Variants in PRKCB observed in about 807,000 individuals in gnomAD.
PRKCB encodes protein kinase C beta type.
PRKCB carries 13 observed loss-of-function variants against 81.5 expected under a neutral mutation model. The observed-to-expected ratio is 0.16, with a 90% CI of 0.10 to 0.25. The LOEUF (loss-of-function observed/expected upper bound fraction) is 0.25, where lower values mean the gene tolerates loss of function less well. Ranked by LOEUF, PRKCB falls within the 10% of genes least tolerant of loss-of-function variation. The pLI, the probability that PRKCB is intolerant of heterozygous loss-of-function variation, is 1.00. For missense variants in PRKCB, 509 were observed against 875.7 expected (o/e 0.58, Z 5.29); for synonymous variants, 335 against 321.4 (o/e 1.04, Z -0.45).
chr16:23,855,025 A>G (rs560857742), intron 2 of PRKCB, among the ~76,000 whole-genome samples: 2 of 152,270 alleles, frequency 1.3e-5, no homozygotes, highest in African/African-American at 4.8e-5. Flanking sequence ...TACCACCATG[A>G]CTACTGAATA....
rs1004349848 is a variant in PRKCB at position 23,992,875 on chromosome 16, T to C, written c.288+4285T>C. On this transcript the variant is annotated intron_variant, in intron 3 of 16. Transcript: ENST00000643927. Reference sequence around the variant, plus strand: ...GAAGACCCTAATGAAGCTGGGGACATTGAGCCCCTAAATTCTGACAAGTCT... The same window carrying C: ...GAAGACCCTAATGAAGCTGGGGACACTGAGCCCCTAAATTCTGACAAGTCT... Among the ~76,000 whole-genome samples, 57 of 152,164 alleles carry C rather than the reference T, an allele frequency of 3.7e-4. 3 individuals carry two copies. Among genetic ancestry groups the C allele is most frequent in the Non-Finnish European group, 7.4e-5 (5 of 68,002 alleles).
chr16:24,070,146 G>GT lies in PRKCB; in HGVS notation c.530-22645_530-22644insT, dbSNP rs376637927. ...CTTTTCATCTTGCAGGAAACCAGGG[G>GT]ATTTTTTTTTTTTTTTTTTTGAGAC... On this transcript the variant is annotated intron_variant, in intron 5 of 16. Coordinates refer to ENST00000643927, the MANE Select transcript of PRKCB (RefSeq NM_002738.7). 3.4e-3 allele frequency among the ~76,000 whole-genome samples: 496 copies of GT among 144,514 alleles called. 8 individuals carry two copies. Among genetic ancestry groups the GT allele is most frequent in the African/African-American group, 0.013 (478 of 35,666 alleles). The allele number at this position is 144,514 out of a possible 152,430, so 94.8% of individuals were successfully genotyped here.
chr16:23,870,257 G>T (rs1296902620), intron 2 of PRKCB, among the ~76,000 whole-genome samples: 2 of 152,204 alleles, frequency 1.3e-5, no homozygotes, highest in African/African-American at 4.8e-5. Context: ...TTGGTGTGAT[G>T]AGTGTCATCT....
At chr16:23,893,541 G>A (rs1191673614) in intron 2 of PRKCB, 1 of 152,174 alleles carries the variant, frequency 6.6e-6, no homozygotes, top group East Asian at 1.9e-4. Context: ...TTACGATCAA[G>A]GCAGGAAATG....
At chr16:23,905,171 G>A (rs897198641) in intron 2 of PRKCB, among the ~76,000 whole-genome samples, 7 of 151,956 alleles carry the variant, frequency 4.6e-5, no homozygotes, top group African/African-American at 1.7e-4. Context: ...CCGCAGGGCT[G>A]CCAGGCTGAC....
rs773514796 is a variant in PRKCB, at chr16:24,219,982, A to C, written c.*5166A>C. On this transcript the variant is annotated 3_prime_UTR_variant, in exon 17 of 17. Transcript: ENST00000643927. The stretch of plus-strand genomic sequence containing the variant: ...GCAGAGAGACAAGAGAGACACCTCC[A>C]ACTTCGACAAAGAGTTCACCAGACA... 3.1e-6 allele frequency: 5 copies of C among 1,614,140 alleles called. No homozygotes were observed.
intron 2 of PRKCB, among the ~76,000 whole-genome samples, chr16:23,936,579 A>ATTTTTT (rs57643578): frequency 5.7e-4 from 55 of 95,980 alleles, no homozygotes; most frequent in Non-Finnish European, 6.6e-4. Context: ...CACCCAACTA[A>ATTTTTT]TTTTTTTTTT....
intron 3 of PRKCB, among the ~76,000 whole-genome samples, chr16:23,993,139 C>T (rs190935275): frequency 7.2e-5 from 11 of 152,204 alleles, no homozygotes; most frequent in Admixed American, 5.2e-4. Flanking sequence ...GTGTGACCCA[C>T]GGGGAGGTAT....
chr16:23,896,342 A>G (rs79667814), intron 2 of PRKCB, among the ~76,000 whole-genome samples: 1,945 of 152,294 alleles, frequency 0.013, 16 homozygotes, highest in Non-Finnish European at 0.023. Flanking sequence ...TGATTGATTC[A>G]TTAATTCAAT....
intron 3 of PRKCB, among the ~76,000 whole-genome samples, chr16:24,002,602 G>T (rs886184882): frequency 6.6e-6 from 1 of 152,158 alleles, no homozygotes; most frequent in Non-Finnish European, 1.5e-5. Flanking sequence ...GCCTCCCAAA[G>T]TGCTAGGATT....
chr16:23,898,232 A>AT (rs796281248), intron 2 of PRKCB, among the ~76,000 whole-genome samples: 4 of 151,826 alleles, frequency 2.6e-5, no homozygotes, highest in East Asian at 1.9e-4. Context: ...CACCTCGCTA[A>AT]TTTTTTGTAT....
At chr16:24,131,377 A>G (rs563108998) in intron 9 of PRKCB, among the ~76,000 whole-genome samples, 7 of 152,324 alleles carry the variant, frequency 4.6e-5, no homozygotes, top group Non-Finnish European at 4.4e-5. Context: ...GTGTATCACT[A>G]AGGAGGCTGT....
At position 24,044,283 on chromosome 16, in the gene PRKCB, C is replaced by T. The variant is rs1277815152; in HGVS notation, c.529+8736C>T. Among the ~76,000 whole-genome samples, 3 of 152,224 alleles carry T rather than the reference C, an allele frequency of 2.0e-5. No homozygotes were observed. The East Asian group carries it at 5.8e-4, about 29-fold the overall frequency. ...GTGAGACACGAGAATCACTTGAACC[C>T]TGCAGGTGGAGTTTGCAGTGAACAG... On this transcript the variant is annotated intron_variant, in intron 5 of 16. Transcript: ENST00000643927.
At chr16:24,113,296 T>C (rs1170336244) in intron 8 of PRKCB, among the ~76,000 whole-genome samples, 1 of 149,994 alleles carries the variant, frequency 6.7e-6, no homozygotes, top group Non-Finnish European at 1.5e-5. Context: ...CTTGCTTGCT[T>C]TCTCGCTTTC....
chr16:23,916,179 G>A (rs960234688), intron 2 of PRKCB, among the ~76,000 whole-genome samples: 10 of 150,640 alleles, frequency 6.6e-5, no homozygotes, highest in African/African-American at 2.0e-4. Context: ...TCAGCCTGCC[G>A]AGTAGCTGGG....
chr16:24,185,067 C>A (rs892931620), intron 13 of PRKCB, 44 bp from the exon 14 acceptor site: 3 of 1,508,676 alleles, frequency 2.0e-6, no homozygotes, highest in African/African-American at 2.8e-5. Context: ...CCAGAAGAAA[C>A]ATGAACTGCA....
intron 7 of PRKCB, among the ~76,000 whole-genome samples, chr16:24,108,847 C>G (rs1445426670): frequency 6.6e-6 from 1 of 152,034 alleles, no homozygotes; most frequent in African/African-American, 2.4e-5. Flanking sequence ...CATCCTGGCC[C>G]GTTCTCAATG....
intron 10 of PRKCB, among the ~76,000 whole-genome samples, chr16:24,167,841 G>C (rs769296169): frequency 6.6e-6 from 1 of 152,222 alleles, no homozygotes; most frequent in Admixed American, 6.5e-5. Context: ...TCAGCTGAGA[G>C]ACCACTGGCA....
At chr16:24,024,612 G>T (rs1965452122) in intron 3 of PRKCB, among the ~76,000 whole-genome samples, 1 of 152,138 alleles carries the variant, frequency 6.6e-6, no homozygotes, top group African/African-American at 2.4e-5. Flanking sequence ...ATTATAATTT[G>T]TCAATCAAAT....
Sources: allele counts gnomAD v4.1 joint callset (sites outside exome capture counted in the v4.1 genomes callset), GRCh38; gene constraint gnomAD v4.1.1; transcripts MANE v1.5; gene names NCBI Gene and HGNC (gene_info 2026-07-23, HGNC 2026-07-21).